ADCY10: variants seen among roughly 807,000 people sequenced by gnomAD.
The protein encoded by ADCY10 is adenylate cyclase 10.
In ADCY10, 156 loss-of-function variants were observed where a neutral mutation model predicts 183.3. The ratio of observed to expected loss-of-function variants is 0.85; its 90% CI spans 0.75 to 0.97. The LOEUF (loss-of-function observed/expected upper bound fraction) is 0.97. Ranked by LOEUF, ADCY10 falls within the 50% of genes least tolerant of loss-of-function variation. The pLI, the probability that ADCY10 is intolerant of heterozygous loss-of-function variation, is 0.00. For synonymous variants in ADCY10, 645 were observed against 670.0 expected, an observed-to-expected ratio of 0.96 and a Z score of 0.58; for missense variants, 1,745 against 1,934.3, an observed-to-expected ratio of 0.90 and a Z score of 1.84.
At chr1:167,887,806 C>T (rs1668332640) in intron 8 of ADCY10, among the ~76,000 whole-genome samples, 1 of 151,242 alleles carries the variant, frequency 6.6e-6, no homozygotes, top group African/African-American at 2.4e-5. Flanking sequence ...GATGTTATCC[C>T]ATCTGTCCAT....
intron 14 of ADCY10, among the ~76,000 whole-genome samples, chr1:167,865,630 T>C (rs1666621930): frequency 6.6e-6 from 1 of 152,206 alleles, no homozygotes; most frequent in Admixed American, 6.5e-5. Flanking sequence ...GTCTAAAAAC[T>C]AATAAAAATA....
At position 167,899,572 on chromosome 1, in the gene ADCY10, A is replaced by G. The variant is rs2102405815; in HGVS notation, c.493T>C (p.Phe165Leu). ...TCCACTGCCTGACCAATCACCAGAA[A>G]GTGGCTGTGTGTTTCATCTCCAAAG... is the stretch of plus-strand genomic sequence containing the variant. ...LVFGDETHSH[F>L]LVIGQAVDDV... The change falls in exon 6 of 33, where the codon TTT becomes CTT. Residue 165 changes from phenylalanine (F) to leucine (L), a missense_variant. Coordinates refer to ENST00000367851, the MANE Select transcript of ADCY10 (RefSeq NM_018417.6). 2 of 1,614,202 alleles carry G rather than the reference A, an allele frequency of 1.2e-6. 1 individual carries two copies. Among genetic ancestry groups the G allele is most frequent in the Non-Finnish European group, 1.7e-6 (2 of 1,180,040 alleles).
intron 25 of ADCY10, among the ~76,000 whole-genome samples, chr1:167,831,587 C>T (rs1309803281): frequency 6.6e-6 from 1 of 152,126 alleles, no homozygotes; most frequent in Admixed American, 6.5e-5. Context: ...AGATGAGAAC[C>T]TTTTGACCTG....
At chr1:167,840,613 C>T (rs1022875205) in intron 21 of ADCY10, among the ~76,000 whole-genome samples, 1 of 152,064 alleles carries the variant, frequency 6.6e-6, no homozygotes, top group Non-Finnish European at 1.5e-5. Context: ...GCCTCGGCCT[C>T]ACAAAGTGCT....
intron 21 of ADCY10, among the ~76,000 whole-genome samples, chr1:167,845,119 C>T (rs184346239): frequency 6.6e-6 from 1 of 152,350 alleles, no homozygotes; most frequent in East Asian, 1.9e-4. Flanking sequence ...CCCTGACCTG[C>T]TTAGCCCTGG....
In ADCY10 at chr1:167,821,992, T is replaced by C. The variant is rs371891859; in HGVS notation, c.4286+32A>G. ...TCCTTGGGATTCAACATTTTCACTT[T>C]GGGAATTTAGTGATATGCCACACAT... On this transcript the variant is annotated intron_variant, in intron 30 of 32. Coordinates refer to ENST00000367851, the MANE Select transcript of ADCY10 (RefSeq NM_018417.6). The C allele has an allele frequency of 1.2e-5, 17 of 1,393,624 alleles. No homozygotes were observed. In the Middle Eastern group the frequency reaches 7.0e-4, roughly 58 times the overall value. 86.3% of individuals were successfully genotyped at this position (1,393,624 alleles called of 1,614,324 possible). A position where few individuals can be genotyped will look rare whatever the true frequency, so the allele number is the denominator to read the frequency against.
intron 14 of ADCY10, among the ~76,000 whole-genome samples, chr1:167,867,778 G>GA (rs201388442): frequency 8.0e-4 from 114 of 141,846 alleles, no homozygotes; most frequent in Middle Eastern, 3.5e-3. Flanking sequence ...TCTTTAAACT[G>GA]AAAAAAAAAA....
chr1:167,849,801 C>A (rs1665330048), intron 18 of ADCY10, among the ~76,000 whole-genome samples: 1 of 152,108 alleles, frequency 6.6e-6, no homozygotes, highest in African/African-American at 2.4e-5. Flanking sequence ...TACTTTGATC[C>A]TTGAAGGATG....
At chr1:167,890,890 G>A (rs996969385) in intron 8 of ADCY10, among the ~76,000 whole-genome samples, 1 of 152,122 alleles carries the variant, frequency 6.6e-6, no homozygotes, top group Non-Finnish European at 1.5e-5. Context: ...GCTTTCCCAA[G>A]GTCACATAAG....
chr1:167,832,682 C>T (rs1558159718), intron 25 of ADCY10, among the ~76,000 whole-genome samples: 3 of 152,074 alleles, frequency 2.0e-5, no homozygotes, highest in Non-Finnish European at 4.4e-5. Flanking sequence ...AATGAGAACA[C>T]GGATGGCCAT....
At chr1:167,897,175 TAA>T (rs751721271) in intron 6 of ADCY10, among the ~76,000 whole-genome samples, 60 of 136,350 alleles carry the variant, frequency 4.4e-4, no homozygotes, top group Admixed American at 6.7e-4. Flanking sequence ...TATTCTTGGT[TAA>T]AAAAAAAAAA....
intron 23 of ADCY10, 126 bp downstream of exon 23, chr1:167,836,183 G>A: frequency 1.4e-6 from 1 of 723,552 alleles, no homozygotes; most frequent in Non-Finnish European, 2.5e-6. Flanking sequence ...GTGATTTTCA[G>A]TGGAAAGGGG....
intron 8 of ADCY10, among the ~76,000 whole-genome samples, chr1:167,889,983 T>C (rs1668484785): frequency 6.6e-6 from 1 of 152,218 alleles, no homozygotes; most frequent in Non-Finnish European, 1.5e-5. Context: ...TTATCTTGAA[T>C]TTCTTTGAGT....
intron 18 of ADCY10, among the ~76,000 whole-genome samples, chr1:167,851,545 G>A (rs188155345): frequency 2.0e-5 from 3 of 152,152 alleles, no homozygotes; most frequent in Non-Finnish European, 2.9e-5. Context: ...AACATTGGTC[G>A]GGCACAGTGG....
Position 167,870,361 on chromosome 1 carries a change from C to G in ADCY10, c.1512G>C (p.Leu504Phe). The G allele has an allele frequency of 6.2e-7, 1 of 1,613,404 alleles. No individual in the cohort carries two copies. ...TTAAGACTTGGCTGCTGTTAGATAT[C>G]AAAAATTTCTTCATAGTATACATGA... Reference protein sequence around the residue: ...NYFMYTMKKFLISNSSQVLMY... With the variant: ...NYFMYTMKKFFISNSSQVLMY... The change falls in exon 14 of 33, where the codon TTG becomes TTC. Residue 504 changes from leucine to phenylalanine, a missense_variant. Leu to Phe is a conservative substitution (Grantham distance 22). Transcript: ENST00000367851.
rs79898706 is a variant in ADCY10, at chr1:167,854,342, G to T, written c.2308+11C>A. The T allele has an allele frequency of 4.1e-4, 658 of 1,614,036 alleles. 3 individuals are homozygous for T. In the South Asian group the frequency reaches 6.4e-3, roughly 16 times the overall value. ...AACAGAGTAAGAAAGAACCATCACC[G>T]CAGGACTTACTGAACAGGTTATTCC... On this transcript the variant is annotated intron_variant, in intron 18 of 32. Coordinates refer to ENST00000367851, the MANE Select transcript of ADCY10 (RefSeq NM_018417.6).
rs1474481963 is a variant in ADCY10, at chr1:167,884,692, TAA to T, written c.829-1066_829-1065del. On this transcript the variant is annotated intron_variant, in intron 8 of 32. Coordinates refer to ENST00000367851, the MANE Select transcript of ADCY10 (RefSeq NM_018417.6). ...TCTACCCCCATGAGTTCAATCATTTTAATTTTTTTTTTTTTTTTTTTTTGAGA... is the reference window on the plus strand; with the variant it reads ...TCTACCCCCATGAGTTCAATCATTTTTTTTTTTTTTTTTTTTTTTTTGAGA... Among the ~76,000 whole-genome samples, 1,060 of 142,730 alleles carry T rather than the reference TAA, an allele frequency of 7.4e-3. 10 individuals are homozygous for T. Among genetic ancestry groups the T allele is most frequent in the African/African-American group, 0.027 (1,003 of 37,812 alleles). The allele number at this position is 142,730 out of a possible 152,430, so 93.6% of individuals were successfully genotyped here.
chr1:167,880,059 G>A, intron 11 of ADCY10, 56 bp downstream of exon 11: 1 of 1,485,514 alleles, frequency 6.7e-7, no homozygotes, highest in South Asian at 1.2e-5. Context: ...GCAAAGCCCA[G>A]TGGCAAGGTG....
Position 167,845,799 on chromosome 1 carries a change from T to C in ADCY10, c.2771A>G (p.His924Arg). 1 of 1,614,186 alleles carries C rather than the reference T, an allele frequency of 6.2e-7. No homozygotes were observed. The highest frequency in any genetic ancestry group is 8.5e-7 in the Non-Finnish European group (1 of 1,180,032). Reference sequence around the variant, plus strand: ...CATAGGGTTACAGAATCGAATCCTGTGGCACTCGATCACCTCATTCTCCAG... The same window carrying C: ...CATAGGGTTACAGAATCGAATCCTGCGGCACTCGATCACCTCATTCTCCAG... ...RELENEVIECHRIRFCNPMMQ... is the reference protein window; with the variant it reads ...RELENEVIECRRIRFCNPMMQ... Residue 924 changes from histidine (H) to arginine (R), a missense_variant, in exon 21 of 33, where the codon CAC (histidine) becomes CGC (arginine). Transcript: ENST00000367851.
Sources: allele counts gnomAD v4.1 joint callset (sites outside exome capture counted in the v4.1 genomes callset), GRCh38; gene constraint gnomAD v4.1.1; transcripts MANE v1.5; gene names NCBI Gene and HGNC (gene_info 2026-07-23, HGNC 2026-07-21).